Variants in SAMD12 observed in about 807,000 individuals in gnomAD.
The protein encoded by SAMD12 is sterile alpha motif domain containing 12.
SAMD12 carries 9 observed loss-of-function variants against 15.0 expected under a neutral mutation model. The ratio of observed to expected loss-of-function variants is 0.60; its 90% CI spans 0.36 to 1.05. The LOEUF is 1.05. Among genes scored for constraint, SAMD12 ranks in the 50% least tolerant of loss-of-function variants. The pLI is 0.01. For synonymous variants in SAMD12, 86 were observed against 90.1 expected, an observed-to-expected ratio of 0.96 and a Z score of 0.25; for missense variants, 230 against 234.2, an observed-to-expected ratio of 0.98 and a Z score of 0.12.
At chr8:118,554,802 A>C (rs1377816915) in intron 2 of SAMD12, among the ~76,000 whole-genome samples, 1 of 152,204 alleles carries the variant, frequency 6.6e-6, no homozygotes, top group Non-Finnish European at 1.5e-5. Flanking sequence ...CAAGTTTCCC[A>C]AAGAAAGAAT....
intron 2 of SAMD12, among the ~76,000 whole-genome samples, chr8:118,484,665 G>A (rs925558131): frequency 6.6e-6 from 1 of 152,002 alleles, no homozygotes; most frequent in African/African-American, 2.4e-5. Flanking sequence ...CAAATCAGTT[G>A]AGATTCCCTC....
At chr8:118,620,642 G>T (rs1401707719) in intron 1 of SAMD12, among the ~76,000 whole-genome samples, 1 of 152,158 alleles carries the variant, frequency 6.6e-6, no homozygotes, top group Non-Finnish European at 1.5e-5. Context: ...AGGTTGTTAA[G>T]ACAGTCGTTA....
chr8:118,536,612 A>C (rs1825851999), intron 2 of SAMD12, among the ~76,000 whole-genome samples: 1 of 152,222 alleles, frequency 6.6e-6, no homozygotes, highest in Non-Finnish European at 1.5e-5. Flanking sequence ...CTTAACACTC[A>C]TTGCATAAAC....
At chr8:118,490,129 T>C (rs1346594431) in intron 2 of SAMD12, among the ~76,000 whole-genome samples, 2 of 152,200 alleles carry the variant, frequency 1.3e-5, no homozygotes, top group African/African-American at 2.4e-5. Flanking sequence ...CTATTGTTGA[T>C]GTAGCAAATC....
the SAMD12 span, among the ~76,000 whole-genome samples, chr8:118,135,004 C>A: frequency 2.0e-5 from 3 of 152,172 alleles, no homozygotes; most frequent in Non-Finnish European, 4.4e-5. Flanking sequence ...TGCTAACAAG[C>A]TTCAGGTGCT....
At chr8:118,418,778 A>G (rs1432802452) in intron 3 of SAMD12, among the ~76,000 whole-genome samples, 1 of 152,118 alleles carries the variant, frequency 6.6e-6, no homozygotes, top group Admixed American at 6.6e-5. Context: ...AAGGACAAGG[A>G]TAGTTTTTCC....
chr8:118,145,197 T>C, the SAMD12 span, among the ~76,000 whole-genome samples: 1 of 152,178 alleles, frequency 6.6e-6, no homozygotes, highest in Non-Finnish European at 1.5e-5. Flanking sequence ...TACAAATATC[T>C]ATTATGACTC....
intron 2 of SAMD12, among the ~76,000 whole-genome samples, chr8:118,480,841 T>C (rs1182913962): frequency 6.6e-6 from 1 of 152,228 alleles, no homozygotes; most frequent in Non-Finnish European, 1.5e-5. Context: ...GGCCCCTTCA[T>C]GCCACCTCCT....
chr8:118,224,195 C>A (rs1307177557), intron 4 of SAMD12, among the ~76,000 whole-genome samples: 1 of 152,186 alleles, frequency 6.6e-6, no homozygotes, highest in Non-Finnish European at 1.5e-5. Flanking sequence ...TGGCTGAGGA[C>A]TGCACTGGTT....
intron 2 of SAMD12, among the ~76,000 whole-genome samples, chr8:118,486,164 C>G (rs1824272415): frequency 6.6e-6 from 1 of 152,114 alleles, no homozygotes; most frequent in Non-Finnish European, 1.5e-5. Context: ...CCTGTAATCC[C>G]AGCACTTTGG....
chr8:118,399,395 C>A (rs1820758514), intron 3 of SAMD12, among the ~76,000 whole-genome samples: 1 of 152,114 alleles, frequency 6.6e-6, no homozygotes, highest in South Asian at 2.1e-4. Flanking sequence ...AACTCCCCAG[C>A]TGCTTGCTGC....
chr8:118,526,479 T>A (rs1825541443), intron 2 of SAMD12, among the ~76,000 whole-genome samples: 1 of 152,096 alleles, frequency 6.6e-6, no homozygotes, highest in Non-Finnish European at 1.5e-5. Flanking sequence ...ACCTGTAGTT[T>A]TAATAGGCAC....
intron 2 of SAMD12, among the ~76,000 whole-genome samples, chr8:118,553,213 C>T (rs1369583641): frequency 3.3e-5 from 5 of 152,080 alleles, no homozygotes; most frequent in Admixed American, 2.6e-4. Context: ...AAAAAAAGCC[C>T]ACATCGCCAA....
At chr8:118,403,361 A>AT (rs1032731229) in intron 3 of SAMD12, among the ~76,000 whole-genome samples, 1,528 of 149,640 alleles carry the variant, frequency 0.01, 30 homozygotes, top group African/African-American at 0.034. Context: ...TGTGTGGTGT[A>AT]TTTTTTTTTT....
chr8:118,580,926 CA>C, intron 1 of SAMD12, 33 bp from the exon 2 acceptor site: 1 of 1,547,910 alleles, frequency 6.5e-7, no homozygotes, highest in Non-Finnish European at 8.8e-7. Context: ...ACTCAGAAAA[CA>C]AACCACATAA....
At chr8:118,369,571 C>T (rs1185852096) in intron 4 of SAMD12, among the ~76,000 whole-genome samples, 1 of 151,970 alleles carries the variant, frequency 6.6e-6, no homozygotes, top group East Asian at 1.9e-4. Flanking sequence ...CAAAAATTAG[C>T]TGGGCATGGT....
intron 3 of SAMD12, among the ~76,000 whole-genome samples, chr8:118,428,626 T>C (rs1822309374): frequency 6.6e-6 from 1 of 152,128 alleles, no homozygotes; most frequent in East Asian, 1.9e-4. Context: ...GATGCAGGAG[T>C]TGAAGTTCAC....
At chr8:118,379,809 AC>A in intron 3 of SAMD12, 109 bp from the exon 4 acceptor site, 1 of 1,370,426 alleles carries the variant, frequency 7.3e-7, no homozygotes, top group Non-Finnish European at 9.8e-7. Flanking sequence ...CTACCTAAAC[AC>A]AGACATTTTA....
intron 2 of SAMD12, among the ~76,000 whole-genome samples, chr8:118,549,305 C>A (rs1386296809): frequency 2.0e-5 from 3 of 152,220 alleles, no homozygotes; most frequent in Non-Finnish European, 4.4e-5. Flanking sequence ...TGACACCTCA[C>A]ACAGCCAGGT....
Sources: gnomAD v4.1 joint callset for allele counts (sites outside exome capture counted in the v4.1 genomes callset) on GRCh38, gnomAD v4.1.1 for gene constraint, MANE v1.5 for transcripts, NCBI Gene and HGNC (gene_info 2026-07-23, HGNC 2026-07-21) for gene names.